Variants in PIAS1 observed in about 807,000 individuals in gnomAD.
PIAS1 encodes E3 SUMO-protein ligase PIAS1.
Under a neutral mutation model 71.3 loss-of-function variants are expected in PIAS1, and 6 were observed. That is an observed-to-expected ratio of 0.08 (90% CI 0.05 to 0.17). The LOEUF is 0.17. PIAS1 is among the 10% of genes least tolerant of loss of function. PIAS1 has a pLI of 1.00. For missense variants in PIAS1, 555 were observed against 793.6 expected, an observed-to-expected ratio of 0.70 and a Z score of 3.61; for synonymous variants, 303 against 292.9, an observed-to-expected ratio of 1.03 and a Z score of -0.35.
Position 68,078,054 on chromosome 15 carries a change from A to G in PIAS1, c.25-8252A>G, listed in dbSNP as rs768622513. ...CTGAAACTTAGATCATCTAATTGCA[A>G]ATGCAGTGTTTTGTTTGTTTTTGGT... On this transcript the variant is annotated intron_variant, in intron 1 of 13. Transcript: ENST00000249636. Among the ~76,000 whole-genome samples the G allele has an allele frequency of 4.1e-4, 63 of 152,318 alleles. 1 individual carries two copies. In the Middle Eastern group the frequency reaches 0.01, roughly 25 times the overall value.
intron 2 of PIAS1, among the ~76,000 whole-genome samples, chr15:68,104,312 A>G (rs1487253570): frequency 6.6e-6 from 1 of 152,126 alleles, no homozygotes; most frequent in African/African-American, 2.4e-5. Context: ...GACCTCTGTG[A>G]TATGAATTAT....
chr15:68,054,390 G>A lies in PIAS1; in HGVS notation c.24+40G>A, dbSNP rs1463274704. ...GAATTCACTTCTAATATTCGGCCGC[G>A]GAGACGGCGCCGCTGCTGCCAGGGG... is the stretch of plus-strand genomic sequence containing the variant. On this transcript the variant is annotated intron_variant, in intron 1 of 13. Coordinates refer to ENST00000249636, the MANE Select transcript of PIAS1 (RefSeq NM_016166.3). The surrounding 1 kb of genome is among the most constrained non-coding windows in gnomAD (Gnocchi z 4.6). 1 of 1,552,664 alleles carries A rather than the reference G, an allele frequency of 6.4e-7. No individual in the cohort carries two copies. The highest frequency in any genetic ancestry group is 8.7e-7 in the Non-Finnish European group (1 of 1,147,488).
In PIAS1 at chr15:68,173,350, T is replaced by C. The variant is rs1040759233; in HGVS notation, c.1009-382T>C. Among the ~76,000 whole-genome samples, 1 of 151,834 alleles carries C rather than the reference T, an allele frequency of 6.6e-6. No homozygotes were observed. The highest frequency in any genetic ancestry group is 1.5e-5 in the Non-Finnish European group (1 of 67,996). On this transcript the variant is annotated intron_variant, in intron 8 of 13. Coordinates refer to ENST00000249636, the MANE Select transcript of PIAS1 (RefSeq NM_016166.3). The surrounding 1 kb of genome is among the most constrained non-coding windows in gnomAD (Gnocchi z 4.3). ...AGTTGGCACTTCAGCCTGGGCAATA[T>C]AGCAAGACCCCATCTGTTTAAAAAA...
intron 2 of PIAS1, among the ~76,000 whole-genome samples, chr15:68,122,165 A>G (rs150180505): frequency 6.6e-6 from 1 of 152,236 alleles, no homozygotes; most frequent in East Asian, 1.9e-4. Context: ...GGCAAAGGAT[A>G]ATCTCAGAGT....
intron 2 of PIAS1, among the ~76,000 whole-genome samples, chr15:68,124,149 AG>A (rs1347568432): frequency 6.6e-6 from 1 of 152,168 alleles, no homozygotes; most frequent in Non-Finnish European, 1.5e-5. Context: ...TGATGGTGGG[AG>A]GTTATTTTTA....
chr15:68,076,127 TG>T (rs1396533871), intron 1 of PIAS1, among the ~76,000 whole-genome samples: 1 of 152,206 alleles, frequency 6.6e-6, no homozygotes, highest in African/African-American at 2.4e-5. Context: ...TTTAAAAACT[TG>T]TTTCTGTCTA....
Position 68,135,443 on chromosome 15 carries a change from T to C in PIAS1, c.470-6503T>C, listed in dbSNP as rs1460123038. ...CTCCCCACCTCCCAGCAGGGGTGGC[T>C]GGGCAGAGGCGCCCCCCACCCCCCG... is the stretch of plus-strand genomic sequence containing the variant. On this transcript the variant is annotated intron_variant, in intron 2 of 13. Coordinates refer to ENST00000249636, the MANE Select transcript of PIAS1 (RefSeq NM_016166.3). 3.7e-4 allele frequency among the ~76,000 whole-genome samples: 10 copies of C among 27,194 alleles called. 2 individuals are homozygous for C. Among genetic ancestry groups the C allele is most frequent in the African/African-American group, 7.7e-4 (9 of 11,762 alleles). 17.8% of individuals were successfully genotyped at this position (27,194 alleles called of 152,430 possible). A position where few individuals can be genotyped will look rare whatever the true frequency, so the allele number is the denominator to read the frequency against.
At chr15:68,057,396 C>T in intron 1 of PIAS1, 1 of 368,894 alleles carries the variant, frequency 2.7e-6, no homozygotes, top group South Asian at 2.0e-5. Flanking sequence ...CTTCATGAAA[C>T]TCCTCTTAAA....
intron 8 of PIAS1, among the ~76,000 whole-genome samples, chr15:68,170,826 A>G (rs2092986504): frequency 6.6e-6 from 1 of 152,060 alleles, no homozygotes; most frequent in African/African-American, 2.4e-5. Context: ...TTTTTAGTAG[A>G]GACGGAGTTG....
At position 68,174,968 on chromosome 15, in the gene PIAS1, C is replaced by T. The variant is rs1007352181; in HGVS notation, c.1170-669C>T. On this transcript the variant is annotated intron_variant, in intron 9 of 13. Transcript: ENST00000249636. This position sits in a 1 kb window ranked among gnomAD's most constrained non-coding sequence, Gnocchi z 4.0. ...TATATGTTACATAGCTTTAGGTTCTCCCATTTCTTGTTATAAAAGCCATGT... is the reference window on the plus strand; with the variant it reads ...TATATGTTACATAGCTTTAGGTTCTTCCATTTCTTGTTATAAAAGCCATGT... Among the ~76,000 whole-genome samples the T allele has an allele frequency of 6.6e-6, 1 of 152,082 alleles. No homozygotes were observed. Among genetic ancestry groups the T allele is most frequent in the Non-Finnish European group, 1.5e-5 (1 of 68,022 alleles).
At chr15:68,165,411 G>A (rs559092822) in intron 8 of PIAS1, among the ~76,000 whole-genome samples, 7 of 152,208 alleles carry the variant, frequency 4.6e-5, no homozygotes, top group South Asian at 4.1e-4. Flanking sequence ...GTGACCCACC[G>A]CACCTGGCCA....
At chr15:68,068,411 A>C (rs1313501697) in intron 1 of PIAS1, among the ~76,000 whole-genome samples, 2 of 152,082 alleles carry the variant, frequency 1.3e-5, no homozygotes, top group Non-Finnish European at 2.9e-5. Flanking sequence ...ATGTTTGTGG[A>C]AGAAGGGACT....
At chr15:68,096,511 T>C (rs1401776099) in intron 2 of PIAS1, among the ~76,000 whole-genome samples, 1 of 152,110 alleles carries the variant, frequency 6.6e-6, no homozygotes, top group Non-Finnish European at 1.5e-5. Flanking sequence ...ATCTGTAGAT[T>C]GCTTTGAGTA....
chr15:68,095,401 T>G (rs920200142), intron 2 of PIAS1, among the ~76,000 whole-genome samples: 13 of 152,112 alleles, frequency 8.5e-5, no homozygotes. Flanking sequence ...GTGGTCATCA[T>G]GGGGTAGATA....
chr15:68,117,805 C>T (rs1330713805), intron 2 of PIAS1, among the ~76,000 whole-genome samples: 1 of 152,176 alleles, frequency 6.6e-6, no homozygotes, highest in Admixed American at 6.5e-5. Flanking sequence ...TGAGTAGTGC[C>T]ACAATAAACA....
intron 7 of PIAS1, among the ~76,000 whole-genome samples, chr15:68,158,113 T>TA (rs771893298): frequency 4.4e-4 from 67 of 152,192 alleles, no homozygotes; most frequent in Non-Finnish European, 7.9e-4. Context: ...CATGGCTTCT[T>TA]AACACCAAGG....
intron 7 of PIAS1, 58 bp downstream of exon 7, chr15:68,153,753 A>G (rs780452006): frequency 1.7e-5 from 15 of 892,390 alleles, no homozygotes; most frequent in South Asian, 7.1e-5. Context: ...TTAGAGTAGT[A>G]TTTTCTCAAC....
In PIAS1 at chr15:68,189,515, T is replaced by C. The variant is rs950785950; in HGVS notation, c.*1680T>C. The C allele has an allele frequency of 2.0e-5, 3 of 152,194 alleles. No individual in the cohort carries two copies. Among genetic ancestry groups the C allele is most frequent in the Non-Finnish European group, 4.4e-5 (3 of 68,022 alleles). 9.4% of individuals were successfully genotyped at this position (152,194 alleles called of 1,614,324 possible). On this transcript the variant is annotated 3_prime_UTR_variant, in exon 14 of 14. Coordinates refer to ENST00000249636, the MANE Select transcript of PIAS1 (RefSeq NM_016166.3). The stretch of plus-strand genomic sequence containing the variant: ...TCAAGATGGCTGTACTTCAGTTGTA[T>C]GATAAAATTAATGGTTCTCATGACT...
chr15:68,119,085 A>G (rs1429237161), intron 2 of PIAS1, among the ~76,000 whole-genome samples: 3 of 127,786 alleles, frequency 2.3e-5, no homozygotes, highest in Non-Finnish European at 4.8e-5. Flanking sequence ...CTCAGCAGCA[A>G]CAAACCAAAT....
Sources: allele counts gnomAD v4.1 joint callset (sites outside exome capture counted in the v4.1 genomes callset), GRCh38; gene constraint gnomAD v4.1.1; non-coding constraint Gnocchi (gnomAD v3.1); transcripts MANE v1.5; gene names NCBI Gene and HGNC (gene_info 2026-07-23, HGNC 2026-07-21).